Variants in NR5A1 observed in about 807,000 individuals in gnomAD.
The protein encoded by NR5A1 is nuclear receptor subfamily 5 group A member 1, also known as steroidogenic factor 1.
NR5A1 carries 6 observed loss-of-function variants against 42.7 expected under a neutral mutation model. The observed-to-expected ratio is 0.14, with a 90% CI of 0.08 to 0.28. NR5A1 has a LOEUF of 0.28. Ranked by LOEUF, NR5A1 falls within the 10% of genes least tolerant of loss-of-function variation. The pLI, the probability that NR5A1 is intolerant of heterozygous loss-of-function variation, is 1.00. For synonymous variants in NR5A1, 274 were observed against 277.5 expected (o/e 0.99, Z 0.12); for missense variants, 442 against 626.4 (o/e 0.71, Z 3.14).
At chr9:124,495,865 C>A (rs1315755962) in intron 4 of NR5A1, among the ~76,000 whole-genome samples, 1 of 152,220 alleles carries the variant, frequency 6.6e-6, no homozygotes, top group Non-Finnish European at 1.5e-5. Context: ...GGGCACAGAG[C>A]CACAATATGG....
At position 124,498,107 on chromosome 9, in the gene NR5A1, T is replaced by A. The variant is rs1390865798; in HGVS notation, c.870+1983A>T. On this transcript the variant is annotated intron_variant, in intron 4 of 6. Coordinates refer to ENST00000373588, the MANE Select transcript of NR5A1 (RefSeq NM_004959.5). The surrounding 1 kb of genome is among the most constrained non-coding windows in gnomAD (Gnocchi z 4.6). ...CCAGAGAGCCCCCTCTTCTGTCTGC[T>A]AAGATGTGTCCTGTCTGGAGGTGGG... is the stretch of plus-strand genomic sequence containing the variant. 6.6e-6 allele frequency among the ~76,000 whole-genome samples: 1 copy of A among 152,182 alleles called. No homozygotes were observed. The highest frequency in any genetic ancestry group is 1.5e-5 in the Non-Finnish European group (1 of 68,014).
At position 124,493,051 on chromosome 9, in the gene NR5A1, G is replaced by T. The variant is rs1362208811; in HGVS notation, c.969C>A (p.Ile323=). 1.2e-6 allele frequency: 2 copies of T among 1,606,312 alleles called. No homozygotes were observed. The highest frequency in any genetic ancestry group is 1.3e-5 in the African/African-American group (1 of 74,898). Residue 323 remains isoleucine, a synonymous_variant, in exon 5 of 7, where the codon ATC becomes ATA. Coordinates refer to ENST00000373588, the MANE Select transcript of NR5A1 (RefSeq NM_004959.5). ...TCACCTCCTGCCCGGTGACCAGCAGGATGCTGCCCTCCTTGCCGTGCTGGA... is the reference window on the plus strand; with the variant it reads ...TCACCTCCTGCCCGGTGACCAGCAGTATGCTGCCCTCCTTGCCGTGCTGGA... ...RQVQHGKEGS[I]LLVTGQEVEL...
At chr9:124,505,681 C>T (rs1832546332) in intron 1 of NR5A1, among the ~76,000 whole-genome samples, 1 of 152,140 alleles carries the variant, frequency 6.6e-6, no homozygotes, top group South Asian at 2.1e-4. Context: ...TACAAATGTC[C>T]GAGGCCTGGG....
In NR5A1 at chr9:124,482,724, C is replaced by CGG; in HGVS notation, c.*33_*34insCC. The CGG allele has an allele frequency of 7.7e-7, 1 of 1,293,094 alleles. No individual in the cohort carries two copies. The highest frequency in any genetic ancestry group is 1.1e-6 in the Non-Finnish European group (1 of 936,904). The allele number at this position is 1,293,094 out of a possible 1,614,324, so 80.1% of individuals were successfully genotyped here. On this transcript the variant is annotated 3_prime_UTR_variant, in exon 7 of 7. Transcript: ENST00000373588. ...CCCGCCCAGGCCCCGCCCCCAGTCC[C>CGG]GCCCCCAGTCCCGGCCCCGCCCCCG...
intron 5 of NR5A1, 68 bp downstream of exon 5, chr9:124,492,962 C>T: frequency 6.7e-7 from 1 of 1,488,554 alleles, no homozygotes; most frequent in Non-Finnish European, 9.0e-7. Flanking sequence ...CTCTCCGGGG[C>T]CCTGAATCCT....
At chr9:124,490,383 G>T (rs73666901) in intron 6 of NR5A1, among the ~76,000 whole-genome samples, 2 of 152,186 alleles carry the variant, frequency 1.3e-5, no homozygotes, top group Non-Finnish European at 2.9e-5. Context: ...TGAGGGTGCA[G>T]ACTGGAGTGG....
At position 124,493,045 on chromosome 9, in the gene NR5A1, C is replaced by G. The variant is rs1245302573; in HGVS notation, c.975G>C (p.Leu325=). Residue 325 remains leucine (L), a synonymous_variant, in exon 5 of 7, where the codon CTG becomes CTC. Coordinates refer to ENST00000373588, the MANE Select transcript of NR5A1 (RefSeq NM_004959.5). ...VQHGKEGSIL[L]VTGQEVELTT... ...GACTGGTCACCTCCTGCCCGGTGACCAGCAGGATGCTGCCCTCCTTGCCGT... is the reference window on the plus strand; with the variant it reads ...GACTGGTCACCTCCTGCCCGGTGACGAGCAGGATGCTGCCCTCCTTGCCGT... 6.2e-7 allele frequency: 1 copy of G among 1,604,118 alleles called. No individual in the cohort carries two copies. The highest frequency in any genetic ancestry group is 1.7e-5 in the Admixed American group (1 of 59,128).
intron 6 of NR5A1, among the ~76,000 whole-genome samples, chr9:124,483,692 G>A (rs536794652): frequency 5.9e-5 from 9 of 152,220 alleles, no homozygotes; most frequent in African/African-American, 1.9e-4. Context: ...GTTGCCATCC[G>A]CATCCCCACT....
intron 1 of NR5A1, among the ~76,000 whole-genome samples, chr9:124,504,051 A>AG (rs879911122): frequency 0.013 from 1,601 of 126,542 alleles, 222 homozygotes; most frequent in African/African-American, 0.06. Context: ...AGAGAGAGAG[A>AG]CGAGAGAGAG....
intron 4 of NR5A1, among the ~76,000 whole-genome samples, chr9:124,495,341 A>G (rs982659842): frequency 3.9e-5 from 6 of 152,190 alleles, no homozygotes; most frequent in Admixed American, 2.6e-4. Context: ...GAGGGCACCT[A>G]TCACCAGGCA....
chr9:124,500,975 T>G lies in NR5A1; in HGVS notation c.245-260A>C. ...CCACTCCTCTGTTTGACACATCTCC[T>G]TCCTCCTCCACCCTGCCTTTCATTT... On this transcript the variant is annotated intron_variant, in intron 3 of 6. Coordinates refer to ENST00000373588, the MANE Select transcript of NR5A1 (RefSeq NM_004959.5). This position sits in a 1 kb window ranked among gnomAD's most constrained non-coding sequence, Gnocchi z 6.9. The G allele has an allele frequency of 4.2e-6, 3 of 711,506 alleles. No homozygotes were observed. The highest frequency in any genetic ancestry group is 2.7e-5 in the East Asian group (1 of 36,410). The allele number at this position is 711,506 out of a possible 1,614,324, so 44.1% of individuals were successfully genotyped here.
chr9:124,484,473 G>A (rs1050794264), intron 6 of NR5A1, among the ~76,000 whole-genome samples: 1 of 152,202 alleles, frequency 6.6e-6, no homozygotes, highest in Non-Finnish European at 1.5e-5. Flanking sequence ...CTTGTTGGCC[G>A]GGCGTAGTGG....
chr9:124,494,390 C>G (rs1832358174), intron 4 of NR5A1, among the ~76,000 whole-genome samples: 1 of 152,188 alleles, frequency 6.6e-6, no homozygotes, highest in African/African-American at 2.4e-5. Context: ...TCCTTGCCAT[C>G]CAGGAGTTCC....
At chr9:124,493,258 G>A in intron 4 of NR5A1, 109 bp from the exon 5 acceptor site, 1 of 1,421,116 alleles carries the variant, frequency 7.0e-7, no homozygotes, top group Non-Finnish European at 9.4e-7. Context: ...GCCTGGGCAA[G>A]CTAACCTCTC....
At chr9:124,487,081 C>CCGGCACT (rs1832223427) in intron 6 of NR5A1, among the ~76,000 whole-genome samples, 3 of 152,238 alleles carry the variant, frequency 2.0e-5, no homozygotes, top group Non-Finnish European at 4.4e-5. Context: ...CGCTCAGCTC[C>CCGGCACT]CGGCACTCGC....
chr9:124,482,736 C>A lies in NR5A1; in HGVS notation c.*22G>T, dbSNP rs1177473280. On this transcript the variant is annotated 3_prime_UTR_variant, in exon 7 of 7. Transcript: ENST00000373588. ...CCGCCCCCAGTCCCGCCCCCAGTCC[C>A]GGCCCCGCCCCCGGCCCAGGCTCAA... 5 of 1,516,942 alleles carry A rather than the reference C, an allele frequency of 3.3e-6. No homozygotes were observed. The South Asian group carries it at 3.6e-5, about 11-fold the overall frequency. The allele number at this position is 1,516,942 out of a possible 1,614,324, so 94.0% of individuals were successfully genotyped here.
rs1206524252 is a variant in NR5A1, at chr9:124,482,915, G to A, written c.1229C>T (p.Pro410Leu). Residue 410 changes from proline (P) to leucine (L), a missense_variant, in exon 7 of 7, where the codon CCG (proline) becomes CTG (leucine). By Grantham distance (98) the Pro-to-Leu change is moderately conservative. Around this residue, in one of 3 missense-constraint regions of NR5A1, gnomAD observed 163 missense variants for 265.8 expected, o/e 0.61. Coordinates refer to ENST00000373588, the MANE Select transcript of NR5A1 (RefSeq NM_004959.5). The stretch of plus-strand genomic sequence containing the variant: ...CTGCTGGAATTTGTCCCCGCAGTGC[G>A]GGTAGTGGCACAGGGTGTAGTCAAG... ...ALLDYTLCHY[P>L]HCGDKFQQLL... 4 of 1,614,040 alleles carry A rather than the reference G, an allele frequency of 2.5e-6. No individual in the cohort carries two copies. Among genetic ancestry groups the A allele is most frequent in the Non-Finnish European group, 2.5e-6 (3 of 1,180,044 alleles).
Position 124,500,544 on chromosome 9 carries a change from A to G in NR5A1, c.416T>C (p.Val139Ala). Residue 139 changes from valine to alanine, a missense_variant, in exon 4 of 7, where the codon GTG (valine) becomes GCG (alanine). Around this residue, in one of 3 missense-constraint regions of NR5A1, gnomAD observed 208 missense variants for 203.8 expected, o/e 1.02. Transcript: ENST00000373588. This position sits in a 1 kb window ranked among gnomAD's most constrained non-coding sequence, Gnocchi z 6.9. ...PPPPPPAPDYVLPPSLHGPEP... is the reference protein window; with the variant it reads ...PPPPPPAPDYALPPSLHGPEP... ...AGGCCCATGCAGGCTGGGAGGCAGC[A>G]CGTAGTCCGGTGCGGGAGGGGGCGG... 6.2e-7 allele frequency: 1 copy of G among 1,609,766 alleles called. No individual in the cohort carries two copies. The highest frequency in any genetic ancestry group is 8.5e-7 in the Non-Finnish European group (1 of 1,179,604).
chr9:124,491,356 G>A, intron 5 of NR5A1, 128 bp from the exon 6 acceptor site: 1 of 728,278 alleles, frequency 1.4e-6, no homozygotes, highest in Non-Finnish European at 2.2e-6. Context: ...GGCGTCAGGA[G>A]GGCCCAGCCT....
Sources: gnomAD v4.1 joint callset for allele counts (sites outside exome capture counted in the v4.1 genomes callset) on GRCh38, gnomAD v4.1.1 for gene constraint, gnomAD v4.1.1 regional missense constraint, Gnocchi (gnomAD v3.1) non-coding constraint, MANE v1.5 for transcripts, NCBI Gene and HGNC (gene_info 2026-07-23, HGNC 2026-07-21) for gene names.